PCDH11Y: variants seen among roughly 807,000 people sequenced by gnomAD.
PCDH11Y encodes protocadherin-11 Y-linked.
For synonymous variants in PCDH11Y, 9 were observed against 83.6 expected (o/e 0.11, Z 4.87); for missense variants, 12 against 224.8 (o/e 0.05, Z 6.05).
chrY:5,468,470 C>T, intron 2 of PCDH11Y, among the ~76,000 whole-genome samples: 1 of 32,614 alleles, frequency 3.1e-5, no homozygotes, highest in Non-Finnish European at 7.6e-5. Flanking sequence ...TGAAAGGCAA[C>T]AGGAAATGCA....
chrY:5,575,119 G>T, intron 3 of PCDH11Y, among the ~76,000 whole-genome samples: 1 of 32,844 alleles, frequency 3.0e-5, no homozygotes. Flanking sequence ...CAGGACATTG[G>T]TCTTGGCAAA....
downstream of PCDH11Y, chrY:5,104,918 A>G: frequency 4.4e-6 from 1 of 224,873 alleles, no homozygotes; most frequent in Non-Finnish European, 5.3e-6. Context: ...TATTGCTGAG[A>G]AAATCATTTT....
chrY:5,678,594 C>T (rs34473109), intron 4 of PCDH11Y, among the ~76,000 whole-genome samples: 4 of 33,280 alleles, frequency 1.2e-4, no homozygotes, highest in African/African-American at 2.3e-4. Flanking sequence ...TATAAGCCTA[C>T]GCTGTTTATC....
At chrY:5,039,917 C>G in intron 3 of PCDH11Y, among the ~76,000 whole-genome samples, 1 of 32,272 alleles carries the variant, frequency 3.1e-5, no homozygotes, top group Non-Finnish European at 7.5e-5. Flanking sequence ...GCCAGTGGAT[C>G]ATGAGGTCAG....
intron 4 of PCDH11Y, among the ~76,000 whole-genome samples, chrY:5,665,003 G>A (rs2053543898): frequency 6.0e-5 from 2 of 33,063 alleles, no homozygotes; most frequent in Admixed American, 5.5e-4. Flanking sequence ...CAGTCTGATC[G>A]AAAAATTAGT....
chrY:5,267,198 T>C (rs2053027911), intron 2 of PCDH11Y, among the ~76,000 whole-genome samples: 2 of 11,729 alleles, frequency 1.7e-4, no homozygotes, highest in Non-Finnish European at 4.0e-4. Flanking sequence ...AAGTTGTTGC[T>C]TTTTTTTTTT....
At chrY:5,407,795 G>A (rs2053241166) in intron 2 of PCDH11Y, among the ~76,000 whole-genome samples, 1 of 30,390 alleles carries the variant, frequency 3.3e-5, no homozygotes, top group Non-Finnish European at 7.9e-5. Context: ...GGCGCCTGTA[G>A]TCCCAGCTAC....
At chrY:5,063,056 AT>A (rs2052678688) in intron 1 of PCDH11Y, among the ~76,000 whole-genome samples, 1 of 33,133 alleles carries the variant, frequency 3.0e-5, no homozygotes, top group East Asian at 7.8e-4. Context: ...GTATAGAATT[AT>A]TTAATGAAAA....
At chrY:5,329,484 G>A (rs2124667149) in intron 2 of PCDH11Y, among the ~76,000 whole-genome samples, 1 of 32,281 alleles carries the variant, frequency 3.1e-5, no homozygotes, top group Admixed American at 2.8e-4. Flanking sequence ...GAAGGAGAAG[G>A]GGTTGAGGGG....
At chrY:5,706,036 CT>C (rs748004340) in intron 4 of PCDH11Y, among the ~76,000 whole-genome samples, 84 of 18,866 alleles carry the variant, frequency 4.5e-3, no homozygotes, top group South Asian at 0.041. Context: ...ACACAGAAGC[CT>C]TTTTTTTTTT....
intron 1 of PCDH11Y, among the ~76,000 whole-genome samples, chrY:5,083,442 T>A (rs2124632502): frequency 3.1e-5 from 1 of 32,551 alleles, no homozygotes; most frequent in Admixed American, 2.8e-4. Flanking sequence ...CCGCCACTCA[T>A]CTTGGCCCCG....
At chrY:5,064,666 T>TGTG (rs2052682816) in intron 1 of PCDH11Y, among the ~76,000 whole-genome samples, 4 of 18,888 alleles carry the variant, frequency 2.1e-4, no homozygotes, top group African/African-American at 9.3e-4. Context: ...ACATACATAC[T>TGTG]TGTGTGTGTG....
At chrY:5,069,620 T>G (rs1602856093) in intron 1 of PCDH11Y, among the ~76,000 whole-genome samples, 1 of 30,224 alleles carries the variant, frequency 3.3e-5, no homozygotes, top group Non-Finnish European at 7.7e-5. Flanking sequence ...ATTTTTTTTT[T>G]GTTTTTTTTT....
At chrY:5,262,180 C>A in intron 2 of PCDH11Y, among the ~76,000 whole-genome samples, 2 of 33,232 alleles carry the variant, frequency 6.0e-5, no homozygotes, top group Non-Finnish European at 1.5e-4. Flanking sequence ...GCCACACTAT[C>A]TTCCACAATG....
chrY:5,215,465 C>A (rs2052944679), intron 2 of PCDH11Y, among the ~76,000 whole-genome samples: 1 of 27,950 alleles, frequency 3.6e-5, no homozygotes, highest in Non-Finnish European at 8.4e-5. Flanking sequence ...TCTCTGATAC[C>A]ATCTACTCTG....
At position 5,631,879 on chromosome Y, in the gene PCDH11Y, T is replaced by C; in HGVS notation, c.3352+50081T>C. 1.5e-4 allele frequency among the ~76,000 whole-genome samples: 5 copies of C among 33,877 alleles called. No individual in the cohort carries two copies. The South Asian group carries it at 3.2e-3, about 22-fold the overall frequency. The allele number at this position is 33,877 out of a possible 37,273, so 90.9% of individuals were successfully genotyped here. ...AGAGTAATTTTTTAAGTGAATTTAT[T>C]AAATCAAAGTCTTTTAGATCATTTT... On this transcript the variant is annotated intron_variant, in intron 4 of 4. Transcript: ENST00000400457.
At chrY:5,249,513 C>A in intron 2 of PCDH11Y, among the ~76,000 whole-genome samples, 1 of 32,551 alleles carries the variant, frequency 3.1e-5, no homozygotes, top group Non-Finnish European at 7.5e-5. Flanking sequence ...ACAAATGGTG[C>A]TGGGAAAACT....
chrY:5,380,632 G>A, intron 2 of PCDH11Y, among the ~76,000 whole-genome samples: 1 of 26,768 alleles, frequency 3.7e-5, no homozygotes, highest in Non-Finnish European at 8.7e-5. Context: ...TGTCACCCAG[G>A]CTGGAGTGCA....
chrY:5,712,612 A>T (rs2124713192), intron 4 of PCDH11Y, among the ~76,000 whole-genome samples: 6 of 33,626 alleles, frequency 1.8e-4, no homozygotes, highest in Admixed American at 1.6e-3. Flanking sequence ...AGGGCATGTA[A>T]TTTTGTCTAG....
Sources: allele counts gnomAD v4.1 joint callset (sites outside exome capture counted in the v4.1 genomes callset), GRCh38; gene constraint gnomAD v4.1.1; transcripts MANE v1.5; gene names NCBI Gene and HGNC (gene_info 2026-07-23, HGNC 2026-07-21).